Variants in STK32C observed in about 807,000 individuals in gnomAD.
STK32C encodes serine/threonine kinase 32C.
A neutral mutation model predicts 56.5 loss-of-function variants in STK32C; 31 were observed. That is an observed-to-expected ratio of 0.55 (90% confidence interval 0.41 to 0.74). The LOEUF is 0.74. STK32C is among the 30% of genes least tolerant of loss of function. The pLI, the probability that STK32C is intolerant of heterozygous loss-of-function variation, is 0.00. For missense variants in STK32C, 544 were observed against 676.9 expected, an observed-to-expected ratio of 0.80 and a Z score of 2.18; for synonymous variants, 309 against 289.4, an observed-to-expected ratio of 1.07 and a Z score of -0.69.
At chr10:132,308,732 C>T (rs924603324), upstream of STK32C, among the ~76,000 whole-genome samples, 1 of 152,220 alleles carries the variant, frequency 6.6e-6, no homozygotes, top group African/African-American at 2.4e-5. Context: ...CCCAGGGTCC[C>T]CTTGTCCAGA....
chr10:132,293,470 T>C (rs912758490), intron 1 of STK32C, among the ~76,000 whole-genome samples: 2 of 152,190 alleles, frequency 1.3e-5, no homozygotes, highest in Admixed American at 1.3e-4. Flanking sequence ...CTTGGACTCA[T>C]GGGGACACAG....
downstream of STK32C, among the ~76,000 whole-genome samples, chr10:132,321,485 AC>A (rs2066406593): frequency 1.3e-5 from 2 of 152,042 alleles, no homozygotes; most frequent in Admixed American, 1.3e-4. Flanking sequence ...GGGTCCCCAA[AC>A]TAGTCCCAGA....
intron 1 of STK32C, among the ~76,000 whole-genome samples, chr10:132,317,967 C>CAA (rs1223040750): frequency 1.6e-3 from 91 of 55,496 alleles, no homozygotes; most frequent in African/African-American, 3.8e-3. Flanking sequence ...GACTCTGTCT[C>CAA]AAAAAAAAAA....
intron 1 of STK32C, among the ~76,000 whole-genome samples, chr10:132,303,652 CTGA>C (rs2065974718): frequency 6.6e-6 from 1 of 152,184 alleles, no homozygotes; most frequent in Non-Finnish European, 1.5e-5. Context: ...GTGTTTAGAG[CTGA>C]ATGCTCTAAA....
In STK32C at chr10:132,222,932, C is replaced by T. The variant is rs1244603573; in HGVS notation, c.1048G>A (p.Ala350Thr). Residue 350 changes from alanine to threonine, a missense_variant, in exon 9 of 12, where the codon GCC becomes ACC. Ala to Thr is a moderately conservative substitution (Grantham distance 58). Transcript: ENST00000298630. The stretch of plus-strand genomic sequence containing the variant: ...CACAGCACGCCGGCCAGCGCCGGGG[C>T]TGCCTGCACGTCCTGGAGGCTGGAG... ...RLSSLQDVQA[A>T]PALAGVLWDH... 1.9e-6 allele frequency: 3 copies of T among 1,556,942 alleles called. No homozygotes were observed. Among genetic ancestry groups the T allele is most frequent in the Non-Finnish European group, 2.6e-6 (3 of 1,154,572 alleles).
intron 1 of STK32C, among the ~76,000 whole-genome samples, chr10:132,304,768 C>A (rs1325926372): frequency 1.3e-5 from 2 of 152,236 alleles, no homozygotes; most frequent in African/African-American, 4.8e-5. Flanking sequence ...TCTGGTGGCC[C>A]CTGGTCCTGC....
intron 10 of STK32C, among the ~76,000 whole-genome samples, chr10:132,210,508 A>G (rs1020754321): frequency 3.9e-5 from 6 of 152,194 alleles, no homozygotes; most frequent in Non-Finnish European, 8.8e-5. Context: ...TCGGCCTCCC[A>G]AAGTGCTGAG....
rs756378557 is a variant in STK32C, at chr10:132,222,870, G to A, written c.1110C>T (p.Phe370=). 6.3e-6 allele frequency: 10 copies of A among 1,583,468 alleles called. No homozygotes were observed. The African/African-American group carries it at 8.1e-5, about 13-fold the overall frequency. ...CCGCCCACAGGCTTACGTTGGGCAC[G>A]AAGCCCGGCTCCACCCTCTTCTCGC... ...HLSEKRVEPG[F]VPNKGRLHCD... is the part of the protein sequence containing the mutation. The change falls in exon 9 of 12, where the codon TTC becomes TTT. Residue 370 remains phenylalanine, a synonymous_variant. Transcript: ENST00000298630.
At chr10:132,247,943 C>T (rs1217394365) in intron 1 of STK32C, among the ~76,000 whole-genome samples, 2 of 152,056 alleles carry the variant, frequency 1.3e-5, no homozygotes, top group African/African-American at 4.8e-5. Flanking sequence ...GCAGAAAGGC[C>T]GCAGAGGACG....
intron 2 of STK32C, among the ~76,000 whole-genome samples, chr10:132,241,794 C>G (rs2063511047): frequency 6.6e-6 from 1 of 152,174 alleles, no homozygotes; most frequent in Admixed American, 6.5e-5. Flanking sequence ...CTCCAGACCT[C>G]AAGCCCGCCA....
In STK32C at chr10:132,307,788, G is replaced by C. The variant is rs2066125268; in HGVS notation, c.46C>G (p.Pro16Ala). ...ERRGSSAAAS[P>A]GSPPPGRARP... ...GCGCGGCCGGGGGGCGGCGAGCCCG[G>C]GGACGCCGCGGCGCTGCTGCCCCTG... The change falls in exon 1 of 12, where the codon CCG becomes GCG. Residue 16 changes from proline (P) to alanine (A), a missense_variant. Pro to Ala is a conservative substitution (Grantham distance 27). This residue lies in a region of STK32C where 182 missense variants were observed against 217.7 expected (regional missense o/e 0.84). Transcript: ENST00000298630. The surrounding 1 kb of genome is among the most constrained non-coding windows in gnomAD (Gnocchi z 4.4). The C allele has an allele frequency of 1.0e-6, 1 of 994,168 alleles. No homozygotes were observed. The highest frequency in any genetic ancestry group is 6.2e-5 in the Admixed American group (1 of 16,136). 61.6% of individuals were successfully genotyped at this position (994,168 alleles called of 1,614,324 possible).
At chr10:132,268,956 CGT>C (rs149137293) in intron 1 of STK32C, among the ~76,000 whole-genome samples, 57,565 of 126,316 alleles carry the variant, frequency 0.46, 12,632 homozygotes, top group African/African-American at 0.6. Context: ...TGTCTCACAT[CGT>C]GTGTGTGTGT....
At chr10:132,302,482 G>A (rs887423841) in intron 1 of STK32C, among the ~76,000 whole-genome samples, 10 of 152,164 alleles carry the variant, frequency 6.6e-5, no homozygotes, top group Non-Finnish European at 1.5e-4. Context: ...CAGAACCGGG[G>A]AAGCCAGGAG....
rs865840092 is a variant in STK32C, at chr10:132,230,691, G to C, written c.319-2563C>G. On this transcript the variant is annotated intron_variant, in intron 2 of 11. Coordinates refer to ENST00000298630, the MANE Select transcript of STK32C (RefSeq NM_173575.4). ...GGGGGGAAGCTGGCGGGGGGGGGGGGGCTGCAGAGCCCACCTCTGCCTGGA... is the reference window on the plus strand; with the variant it reads ...GGGGGGAAGCTGGCGGGGGGGGGGGCGCTGCAGAGCCCACCTCTGCCTGGA... Among the ~76,000 whole-genome samples the C allele has an allele frequency of 1.2e-4, 16 of 137,920 alleles. 1 individual carries two copies. In the East Asian group the frequency reaches 2.1e-3, roughly 18 times the overall value. 90.5% of individuals were successfully genotyped at this position (137,920 alleles called of 152,430 possible). A position where few individuals can be genotyped will look rare whatever the true frequency, so the allele number is the denominator to read the frequency against.
intron 1 of STK32C, among the ~76,000 whole-genome samples, chr10:132,305,790 C>A (rs978473647): frequency 3.3e-5 from 5 of 152,228 alleles, no homozygotes. Flanking sequence ...GCGGTCACCG[C>A]CCAGAGATGT....
chr10:132,329,823 G>A (rs2138506144), intron 1 of STK32C, among the ~76,000 whole-genome samples: 1 of 152,342 alleles, frequency 6.6e-6, no homozygotes. Context: ...CAGGTGAGAA[G>A]ACACGGCCAG....
chr10:132,318,275 AAG>A (rs1206387801), intron 1 of STK32C, among the ~76,000 whole-genome samples: 6 of 150,478 alleles, frequency 4.0e-5, no homozygotes, highest in Non-Finnish European at 3.0e-5. Flanking sequence ...CTCAAAAAAA[AAG>A]AGAGAGAGAG....
chr10:132,257,243 T>C lies in STK32C; in HGVS notation c.263-11288A>G, dbSNP rs181254673. Among the ~76,000 whole-genome samples, 716 of 152,124 alleles carry C rather than the reference T, an allele frequency of 4.7e-3. 10 individuals are homozygous for C. The highest frequency in any genetic ancestry group is 0.01 in the Middle Eastern group (3 of 294). Reference sequence around the variant, plus strand: ...AGCACGAGATGGGTAGGTGTGTGGGTGGGTCAAGGCTGGAAAAAGCCCTGT... The same window carrying C: ...AGCACGAGATGGGTAGGTGTGTGGGCGGGTCAAGGCTGGAAAAAGCCCTGT... On this transcript the variant is annotated intron_variant, in intron 1 of 11. Transcript: ENST00000298630.
At chr10:132,221,026 TCC>T (rs2062621099) in intron 10 of STK32C, among the ~76,000 whole-genome samples, 3 of 152,206 alleles carry the variant, frequency 2.0e-5, no homozygotes, top group African/African-American at 7.2e-5. Context: ...ACGACTCAGA[TCC>T]ATCTCAGAGA....
Sources: gnomAD v4.1 joint callset for allele counts (sites outside exome capture counted in the v4.1 genomes callset) on GRCh38, gnomAD v4.1.1 for gene constraint, gnomAD v4.1.1 regional missense constraint, Gnocchi (gnomAD v3.1) non-coding constraint, MANE v1.5 for transcripts, NCBI Gene and HGNC (gene_info 2026-07-23, HGNC 2026-07-21) for gene names.